Variants in PRIM2 observed in about 807,000 individuals in gnomAD.
PRIM2 encodes the protein DNA primase large subunit.
Under a neutral mutation model 67.3 loss-of-function variants are expected in PRIM2, and 39 were observed. That is an observed-to-expected ratio of 0.58 (90% CI 0.45 to 0.76). The LOEUF (loss-of-function observed/expected upper bound fraction) is 0.76, where lower values mean the gene tolerates loss of function less well. Among genes scored for constraint, PRIM2 ranks in the 30% least tolerant of loss-of-function variants. The probability of loss-of-function intolerance (pLI) is 0.00; values close to 1 mark genes in which losing one functional copy is unlikely to be tolerated. For missense variants in PRIM2, 398 were observed against 598.7 expected (o/e 0.66, Z 3.50); for synonymous variants, 143 against 198.7 (o/e 0.72, Z 2.36).
At chr6:57,259,373 T>G in the PRIM2 span, among the ~76,000 whole-genome samples, 1 of 152,064 alleles carries the variant, frequency 6.6e-6, no homozygotes, top group Admixed American at 6.5e-5. Flanking sequence ...CCTGGACATG[T>G]GTAAGAAGAA....
chr6:57,272,059 A>G, the PRIM2 span, among the ~76,000 whole-genome samples: 1 of 152,096 alleles, frequency 6.6e-6, no homozygotes, highest in South Asian at 2.1e-4. Context: ...TATGTGGTCG[A>G]TTTTGGAATA....
At chr6:57,629,274 T>C (rs1777004748) in intron 12 of PRIM2, among the ~76,000 whole-genome samples, 2 of 152,188 alleles carry the variant, frequency 1.3e-5, no homozygotes, top group South Asian at 4.1e-4. Flanking sequence ...GTCCTAACTC[T>C]AAGAGACATG....
intron 11 of PRIM2, among the ~76,000 whole-genome samples, chr6:57,603,175 A>G (rs1170766731): frequency 6.6e-6 from 1 of 152,032 alleles, no homozygotes; most frequent in South Asian, 2.1e-4. Flanking sequence ...TACCTTTTAT[A>G]GTTGTCCCAT....
At chr6:57,283,209 C>A in the PRIM2 span, among the ~76,000 whole-genome samples, 1 of 152,164 alleles carries the variant, frequency 6.6e-6, no homozygotes, top group South Asian at 2.1e-4. Flanking sequence ...AAATGATCAA[C>A]AATTCAACCA....
chr6:57,529,343 G>A (rs1403298990), intron 8 of PRIM2, among the ~76,000 whole-genome samples: 1 of 151,940 alleles, frequency 6.6e-6, no homozygotes, highest in Non-Finnish European at 1.5e-5. Flanking sequence ...CCAAGAACGT[G>A]TCTTCATAAT....
chr6:57,548,495 A>G (rs1775333292), intron 10 of PRIM2, among the ~76,000 whole-genome samples: 1 of 152,314 alleles, frequency 6.6e-6, no homozygotes, highest in South Asian at 2.1e-4. Context: ...ACTTGAGGAA[A>G]CAAGGCCTGA....
chr6:57,559,307 ACCC>A, intron 10 of PRIM2, among the ~76,000 whole-genome samples: 1 of 152,058 alleles, frequency 6.6e-6, no homozygotes, highest in Admixed American at 6.6e-5. Flanking sequence ...CACTTGGGTC[ACCC>A]TTCAGCACTG....
At chr6:57,551,415 A>C (rs1775398525) in intron 10 of PRIM2, among the ~76,000 whole-genome samples, 1 of 152,246 alleles carries the variant, frequency 6.6e-6, no homozygotes, top group Non-Finnish European at 1.5e-5. Flanking sequence ...AGAAGGAGAC[A>C]CAAAAACTCA....
upstream of PRIM2, among the ~76,000 whole-genome samples, chr6:57,311,125 C>T (rs918464624): frequency 2.1e-5 from 3 of 143,506 alleles, no homozygotes; most frequent in Non-Finnish European, 4.5e-5. Context: ...CCCTCACCTC[C>T]CAGACGGGGC....
At chr6:57,253,660 A>T in the PRIM2 span, among the ~76,000 whole-genome samples, 1 of 152,188 alleles carries the variant, frequency 6.6e-6, no homozygotes, top group African/African-American at 2.4e-5. Flanking sequence ...AATCATGGTT[A>T]TTATGAAATA....
upstream of PRIM2, among the ~76,000 whole-genome samples, chr6:57,310,931 C>G (rs1345058601): frequency 6.8e-6 from 1 of 146,366 alleles, no homozygotes; most frequent in Non-Finnish European, 1.5e-5. Flanking sequence ...CCTCGCCTCC[C>G]AAACGGGGAG....
intron 5 of PRIM2, among the ~76,000 whole-genome samples, chr6:57,376,101 T>C (rs1352782577): frequency 1.3e-5 from 2 of 152,166 alleles, no homozygotes; most frequent in African/African-American, 4.8e-5. Flanking sequence ...TGGTGGTTTG[T>C]GCCTGTAGTC....
At chr6:57,271,464 T>A in the PRIM2 span, among the ~76,000 whole-genome samples, 2 of 152,138 alleles carry the variant, frequency 1.3e-5, no homozygotes, top group Non-Finnish European at 2.9e-5. Flanking sequence ...TCTGTGGGAT[T>A]GGTGGTGATA....
In PRIM2 at chr6:57,333,047, G is replaced by A. The variant is rs114263602; in HGVS notation, c.459+7002G>A. 5.3e-3 allele frequency among the ~76,000 whole-genome samples: 804 copies of A among 151,732 alleles called. 6 individuals carry two copies. Among genetic ancestry groups the A allele is most frequent in the African/African-American group, 0.018 (763 of 41,344 alleles). ...CTGTATTTTTTGAGTTATTTTCTTC[G>A]TGGTTTCCCTTAGAATTACAATTAT... On this transcript the variant is annotated intron_variant, in intron 5 of 13. Coordinates refer to ENST00000615550, the MANE Select transcript of PRIM2 (RefSeq NM_000947.5).
At chr6:57,293,166 G>A in the PRIM2 span, among the ~76,000 whole-genome samples, 36 of 152,234 alleles carry the variant, frequency 2.4e-4, no homozygotes, top group Admixed American at 4.6e-4. Context: ...CCATCAAAAC[G>A]TGGGCAAAGG....
chr6:57,642,684 G>A (rs1178350409), intron 13 of PRIM2, among the ~76,000 whole-genome samples: 1 of 151,834 alleles, frequency 6.6e-6, no homozygotes, highest in Non-Finnish European at 1.5e-5. Context: ...CTCGTGATCC[G>A]CCCGTCTCGG....
intron 8 of PRIM2, among the ~76,000 whole-genome samples, chr6:57,530,288 A>C (rs1312598594): frequency 6.6e-6 from 1 of 152,224 alleles, no homozygotes; most frequent in Non-Finnish European, 1.5e-5. Context: ...GAGAAGTGAC[A>C]TGGCAAAGGA....
chr6:57,523,755 A>G (rs1774679182), intron 8 of PRIM2, among the ~76,000 whole-genome samples: 1 of 151,874 alleles, frequency 6.6e-6, no homozygotes, highest in African/African-American at 2.4e-5. Flanking sequence ...TTGCCATGAG[A>G]CCCATAAATC....
chr6:57,637,035 T>C (rs1289243822), intron 13 of PRIM2, among the ~76,000 whole-genome samples: 5 of 152,158 alleles, frequency 3.3e-5, no homozygotes, highest in African/African-American at 1.2e-4. Flanking sequence ...GGTGCCCCTC[T>C]GGGACGAAGC....
Sources: gnomAD v4.1 joint callset for allele counts (sites outside exome capture counted in the v4.1 genomes callset) on GRCh38, gnomAD v4.1.1 for gene constraint, MANE v1.5 for transcripts, NCBI Gene and HGNC (gene_info 2026-07-23, HGNC 2026-07-21) for gene names.